The following COL23A1 variants were observed in gnomAD, a reference collection of about 807,000 sequenced individuals.
COL23A1 encodes collagen type XXIII alpha 1 chain.
Under a neutral mutation model 99.3 loss-of-function variants are expected in COL23A1, and 97 were observed. The ratio of observed to expected loss-of-function variants is 0.98; its 90% confidence interval spans 0.83 to 1.16. COL23A1 has a LOEUF of 1.16. Among genes scored for constraint, COL23A1 ranks in the 50% most tolerant of loss-of-function variants. The pLI is 0.00. For synonymous variants in COL23A1, 320 were observed against 308.2 expected, an observed-to-expected ratio of 1.04 and a Z score of -0.40; for missense variants, 762 against 757.4, an observed-to-expected ratio of 1.01 and a Z score of -0.07.
chr5:178,494,294 A>G (rs1254824249), intron 2 of COL23A1, among the ~76,000 whole-genome samples: 1 of 152,210 alleles, frequency 6.6e-6, no homozygotes, highest in Admixed American at 6.5e-5. Flanking sequence ...CAGACAGCAC[A>G]CAGCCCTTCC....
chr5:178,329,742 G>C (rs971910649), intron 2 of COL23A1, among the ~76,000 whole-genome samples: 1 of 152,116 alleles, frequency 6.6e-6, no homozygotes, highest in African/African-American at 2.4e-5. Flanking sequence ...TGCGAGACCA[G>C]CCTGGCTAAC....
chr5:178,541,112 TTAAAA>T (rs1256013295), intron 2 of COL23A1, among the ~76,000 whole-genome samples: 1 of 152,116 alleles, frequency 6.6e-6, no homozygotes, highest in Non-Finnish European at 1.5e-5. Context: ...GTTTTGGGAA[TTAAAA>T]TAACAGTATC....
rs554420301 is a variant in COL23A1, at chr5:178,555,906, G to C, written c.361+4776C>G. Among the ~76,000 whole-genome samples the C allele has an allele frequency of 3.3e-5, 5 of 152,274 alleles. No individual in the cohort carries two copies. The South Asian group carries it at 1.0e-3, about 32-fold the overall frequency. ...AGCCTCCCTGCAGGAACCTGTGTTT[G>C]CTGCGGTAAAGCCCAGCCTCTCCCC... On this transcript the variant is annotated intron_variant, in intron 2 of 28. Transcript: ENST00000390654.
In COL23A1 at chr5:178,371,420, T is replaced by G. The variant is rs530160771; in HGVS notation, c.362-64501A>C. On this transcript the variant is annotated intron_variant, in intron 2 of 28. Transcript: ENST00000390654. ...GAGGACGACTGGAGGAGGGGCCGGC[T>G]GCAGCTCTGGGGTCGGATGGGCCTC... 3.9e-5 allele frequency among the ~76,000 whole-genome samples: 6 copies of G among 152,272 alleles called. No individual in the cohort carries two copies. The East Asian group carries it at 1.2e-3, about 29-fold the overall frequency.
chr5:178,542,586 C>T (rs1761350180), intron 2 of COL23A1, among the ~76,000 whole-genome samples: 1 of 151,720 alleles, frequency 6.6e-6, no homozygotes. Flanking sequence ...AAGGCTCTTA[C>T]ATCGGAAAGG....
At chr5:178,333,319 T>G (rs1260342611) in intron 2 of COL23A1, among the ~76,000 whole-genome samples, 1 of 152,116 alleles carries the variant, frequency 6.6e-6, no homozygotes, top group Non-Finnish European at 1.5e-5. Context: ...ACCTTCCAAG[T>G]CTGGGTTTGG....
chr5:178,466,988 G>A (rs1337953559), intron 2 of COL23A1, among the ~76,000 whole-genome samples: 1 of 152,236 alleles, frequency 6.6e-6, no homozygotes, highest in East Asian at 1.9e-4. Flanking sequence ...TCCCTGTGTT[G>A]TTGATTTATT....
At position 178,366,697 on chromosome 5, in the gene COL23A1, A is replaced by C. The variant is rs1762498833; in HGVS notation, c.362-59778T>G. ...CATCCTGCCGCTGCCACGGTGGTGC[A>C]GCCACACTGAGCATCCCAAACCTCG... is the stretch of plus-strand genomic sequence containing the variant. On this transcript the variant is annotated intron_variant, in intron 2 of 28. Coordinates refer to ENST00000390654, the MANE Select transcript of COL23A1 (RefSeq NM_173465.4). This position sits in a 1 kb window ranked among gnomAD's most constrained non-coding sequence, Gnocchi z 4.4. Among the ~76,000 whole-genome samples, 1 of 152,190 alleles carries C rather than the reference A, an allele frequency of 6.6e-6. No homozygotes were observed. Among genetic ancestry groups the C allele is most frequent in the Non-Finnish European group, 1.5e-5 (1 of 68,030 alleles).
intron 2 of COL23A1, among the ~76,000 whole-genome samples, chr5:178,420,342 C>A (rs1481431812): frequency 6.6e-6 from 1 of 151,678 alleles, no homozygotes; most frequent in Non-Finnish European, 1.5e-5. Context: ...GAAGCCTCCA[C>A]TCCCTCCTCC....
At chr5:178,301,402 A>C (rs1479341085) in intron 3 of COL23A1, among the ~76,000 whole-genome samples, 1 of 152,212 alleles carries the variant, frequency 6.6e-6, no homozygotes, top group East Asian at 1.9e-4. Flanking sequence ...AATAACCAAT[A>C]CTACATCTCT....
intron 8 of COL23A1, among the ~76,000 whole-genome samples, chr5:178,265,246 T>C (rs2913844): frequency 0.69 from 104,890 of 152,132 alleles, 36,978 homozygotes; most frequent in Non-Finnish European, 0.76. Flanking sequence ...GTCCTCCCCT[T>C]GGTCTGGCAG....
At chr5:178,487,383 G>C (rs531474559) in intron 2 of COL23A1, among the ~76,000 whole-genome samples, 5 of 151,922 alleles carry the variant, frequency 3.3e-5, no homozygotes, top group African/African-American at 9.7e-5. Context: ...ACAGTGGTGT[G>C]ATCGCAGCTC....
intron 2 of COL23A1, among the ~76,000 whole-genome samples, chr5:178,348,207 C>T (rs1052913297): frequency 6.6e-6 from 1 of 152,114 alleles, no homozygotes; most frequent in African/African-American, 2.4e-5. Context: ...AGGGCTTGGG[C>T]GGGCTCTTCC....
At chr5:178,520,082 T>C (rs771122146) in intron 2 of COL23A1, among the ~76,000 whole-genome samples, 9 of 151,994 alleles carry the variant, frequency 5.9e-5, no homozygotes, top group Non-Finnish European at 1.2e-4. Context: ...GATGGATAGA[T>C]GGAGGATGGT....
intron 5 of COL23A1, among the ~76,000 whole-genome samples, chr5:178,282,365 G>A (rs535584306): frequency 6.6e-6 from 1 of 152,336 alleles, no homozygotes; most frequent in East Asian, 1.9e-4. Context: ...GAATACAATA[G>A]TTGGGAAGGG....
chr5:178,463,166 A>G (rs937291490), intron 2 of COL23A1, among the ~76,000 whole-genome samples: 2 of 152,236 alleles, frequency 1.3e-5, no homozygotes, highest in Non-Finnish European at 2.9e-5. Context: ...CAAAGATTCC[A>G]GTTATCTTGA....
Position 178,309,163 on chromosome 5 carries a change from CTG to C in COL23A1, c.362-2246_362-2245del, listed in dbSNP as rs988067499. On this transcript the variant is annotated intron_variant, in intron 2 of 28. Coordinates refer to ENST00000390654, the MANE Select transcript of COL23A1 (RefSeq NM_173465.4). The surrounding 1 kb of genome is among the most constrained non-coding windows in gnomAD (Gnocchi z 4.7). The stretch of plus-strand genomic sequence containing the variant: ...ACTAGGAAGTTCTCCGTCTGGGTAA[CTG>C]AAGCCAGATGAAGACATCTGCCTGT... Among the ~76,000 whole-genome samples, 3 of 152,220 alleles carry C rather than the reference CTG, an allele frequency of 2.0e-5. No homozygotes were observed. Among genetic ancestry groups the C allele is most frequent in the Admixed American group, 6.5e-5 (1 of 15,284 alleles).
intron 2 of COL23A1, among the ~76,000 whole-genome samples, chr5:178,528,258 C>T (rs750853954): frequency 2.6e-5 from 4 of 152,200 alleles, no homozygotes; most frequent in Non-Finnish European, 2.9e-5. Flanking sequence ...AGCCCACTCA[C>T]GATCACTCAT....
Position 178,248,058 on chromosome 5 carries a change from G to A in COL23A1, c.1212+134C>T, listed in dbSNP as rs775356560. On this transcript the variant is annotated intron_variant, in intron 20 of 28. Transcript: ENST00000390654. ...GAGACTCTGTTCTCAGAGGGGTCTC[G>A]CTCCCCTTACTCTCCCTCCCCTACT... The A allele has an allele frequency of 8.7e-5, 65 of 748,086 alleles. No homozygotes were observed. In the Middle Eastern group the frequency reaches 1.4e-3, roughly 17 times the overall value. 46.3% of individuals were successfully genotyped at this position (748,086 alleles called of 1,614,324 possible). A position where few individuals can be genotyped will look rare whatever the true frequency, so the allele number is the denominator to read the frequency against.
Sources: gnomAD v4.1 joint callset for allele counts (sites outside exome capture counted in the v4.1 genomes callset) on GRCh38, gnomAD v4.1.1 for gene constraint, Gnocchi (gnomAD v3.1) non-coding constraint, MANE v1.5 for transcripts, NCBI Gene and HGNC (gene_info 2026-07-23, HGNC 2026-07-21) for gene names.